The following RUNDC3B variants were observed in gnomAD, a reference collection of about 807,000 sequenced individuals.
RUNDC3B encodes the protein RUN domain containing 3B.
A neutral mutation model predicts 58.4 loss-of-function variants in RUNDC3B; 33 were observed. The ratio of observed to expected loss-of-function variants is 0.56; its 90% CI spans 0.43 to 0.75. RUNDC3B has a LOEUF of 0.75. Among genes scored for constraint, RUNDC3B ranks in the 30% least tolerant of loss-of-function variants. RUNDC3B has a pLI of 0.00. For missense variants in RUNDC3B, 501 were observed against 535.7 expected (o/e 0.94, Z 0.64); for synonymous variants, 193 against 195.2 (o/e 0.99, Z 0.10).
chr7:87,647,941 T>C (rs1823182490), intron 1 of RUNDC3B, among the ~76,000 whole-genome samples: 1 of 151,872 alleles, frequency 6.6e-6, no homozygotes, highest in Non-Finnish European at 1.5e-5. Flanking sequence ...TCCCAACACT[T>C]TGGGAGGCCA....
chr7:87,726,410 G>A (rs531808008), intron 4 of RUNDC3B, among the ~76,000 whole-genome samples: 73 of 152,198 alleles, frequency 4.8e-4, no homozygotes, highest in Non-Finnish European at 7.5e-4. Context: ...GTAGATATGC[G>A]GCATTATTTC....
At chr7:87,669,069 G>A (rs555124969) in intron 2 of RUNDC3B, among the ~76,000 whole-genome samples, 1 of 152,254 alleles carries the variant, frequency 6.6e-6, no homozygotes, top group East Asian at 1.9e-4. Flanking sequence ...AATACTGTCT[G>A]TGGAGTGTTG....
At chr7:87,723,485 T>C (rs1188606792) in intron 4 of RUNDC3B, among the ~76,000 whole-genome samples, 2 of 152,148 alleles carry the variant, frequency 1.3e-5, no homozygotes, top group African/African-American at 2.4e-5. Context: ...AGAACAGAAA[T>C]GTCCAATGCA....
intron 4 of RUNDC3B, among the ~76,000 whole-genome samples, chr7:87,727,290 G>A (rs944758264): frequency 6.6e-6 from 1 of 151,932 alleles, no homozygotes; most frequent in East Asian, 1.9e-4. Context: ...TGCAAGGCTG[G>A]TTCAACATAT....
At chr7:87,702,099 C>T (rs1269776822) in intron 3 of RUNDC3B, among the ~76,000 whole-genome samples, 1 of 131,470 alleles carries the variant, frequency 7.6e-6, no homozygotes, top group Admixed American at 8.5e-5. Flanking sequence ...GCAGAGATCG[C>T]GCCACTGCAC....
Position 87,628,625 on chromosome 7 carries a change from G to GTGTGTGTGTGTGT in RUNDC3B, c.-199_-198insTGTGTGTGTGTGT. The GTGTGTGTGTGTGT allele has an allele frequency of 3.4e-6, 1 of 291,762 alleles. No individual in the cohort carries two copies. Among genetic ancestry groups the GTGTGTGTGTGTGT allele is most frequent in the Non-Finnish European group, 6.1e-6 (1 of 164,758 alleles). The allele number at this position is 291,762 out of a possible 1,614,324, so 18.1% of individuals were successfully genotyped here. On this transcript the variant is annotated 5_prime_UTR_variant, in exon 1 of 11. Transcript: ENST00000394654. ...TGTGTGTGTGTGTGTGTGTGTGTGTGGAGCTCGGGTGCCAAGGGCGAGCCG... is the reference window on the plus strand; with the variant it reads ...TGTGTGTGTGTGTGTGTGTGTGTGTGTGTGTGTGTGTGTGAGCTCGGGTGCCAAGGGCGAGCCG...
chr7:87,680,382 G>A (rs948835741), intron 2 of RUNDC3B, among the ~76,000 whole-genome samples: 3 of 150,702 alleles, frequency 2.0e-5, no homozygotes, highest in Non-Finnish European at 2.9e-5. Flanking sequence ...ACTAAAACGC[G>A]TTGTATCAAA....
rs1345427814 is a variant in RUNDC3B, at chr7:87,750,706, G to A, written c.629+9127G>A. Among the ~76,000 whole-genome samples, 83 of 150,730 alleles carry A rather than the reference G, an allele frequency of 5.5e-4. 2 individuals are homozygous for A. The Middle Eastern group carries it at 0.021, about 38-fold the overall frequency. The stretch of plus-strand genomic sequence containing the variant: ...TGAGAAGTGTCTGTTCATGTCCTTC[G>A]CCCACTTTTTGATGGGGTTGTTTGT... On this transcript the variant is annotated intron_variant, in intron 6 of 10. Transcript: ENST00000394654.
At chr7:87,713,923 A>C (rs1830313215) in intron 4 of RUNDC3B, among the ~76,000 whole-genome samples, 1 of 152,206 alleles carries the variant, frequency 6.6e-6, no homozygotes. Flanking sequence ...TTATATCAGT[A>C]TTTAATTTAT....
intron 6 of RUNDC3B, among the ~76,000 whole-genome samples, chr7:87,741,861 A>G (rs1832344605): frequency 6.6e-6 from 1 of 152,208 alleles, no homozygotes; most frequent in Non-Finnish European, 1.5e-5. Context: ...AATAACTTTA[A>G]TAGATCTGAA....
chr7:87,711,274 C>T (rs573685882), intron 4 of RUNDC3B, among the ~76,000 whole-genome samples: 13 of 151,366 alleles, frequency 8.6e-5, no homozygotes, highest in South Asian at 2.1e-4. Context: ...TGTGGAGAGC[C>T]GAGATTGAGC....
intron 2 of RUNDC3B, among the ~76,000 whole-genome samples, chr7:87,692,329 C>G (rs148826652): frequency 2.6e-5 from 4 of 152,130 alleles, no homozygotes; most frequent in Non-Finnish European, 5.9e-5. Context: ...TGGTGGCACG[C>G]ACCTGTAGTC....
chr7:87,642,469 C>T (rs770561553), intron 1 of RUNDC3B, among the ~76,000 whole-genome samples: 35 of 151,940 alleles, frequency 2.3e-4, no homozygotes, highest in Admixed American at 1.3e-4. Context: ...ATATGTGATC[C>T]AAGTATATAA....
At chr7:87,716,986 A>G (rs1253446877) in intron 4 of RUNDC3B, among the ~76,000 whole-genome samples, 1 of 152,158 alleles carries the variant, frequency 6.6e-6, no homozygotes, top group African/African-American at 2.4e-5. Flanking sequence ...GTTTGTGGAA[A>G]CAGAGTCTCA....
intron 2 of RUNDC3B, among the ~76,000 whole-genome samples, chr7:87,657,590 C>T (rs574702753): frequency 6.6e-6 from 1 of 152,158 alleles, no homozygotes; most frequent in Non-Finnish European, 1.5e-5. Context: ...CCAACACCCC[C>T]CTTCCCACAA....
intron 6 of RUNDC3B, among the ~76,000 whole-genome samples, chr7:87,747,751 T>C (rs1832728932): frequency 6.6e-6 from 1 of 152,026 alleles, no homozygotes; most frequent in Non-Finnish European, 1.5e-5. Context: ...CTGCAGATTG[T>C]CAGGGAAGTG....
chr7:87,754,549 A>G (rs1262969586), intron 6 of RUNDC3B, among the ~76,000 whole-genome samples: 1 of 152,178 alleles, frequency 6.6e-6, no homozygotes, highest in East Asian at 1.9e-4. Context: ...GCAAGAACAA[A>G]TGCACCCCAA....
intron 4 of RUNDC3B, among the ~76,000 whole-genome samples, chr7:87,712,320 AAAATG>A (rs1400813739): frequency 1.3e-5 from 2 of 152,146 alleles, no homozygotes; most frequent in African/African-American, 4.8e-5. Flanking sequence ...TGAACTTTAT[AAAATG>A]AAACATTTAT....
chr7:87,783,177 GTA>G (rs1563206463), intron 8 of RUNDC3B, among the ~76,000 whole-genome samples: 2 of 151,768 alleles, frequency 1.3e-5, no homozygotes, highest in African/African-American at 2.4e-5. Flanking sequence ...ATGTGTTTGT[GTA>G]TGTGTGTGTG....
Sources: gnomAD v4.1 joint callset for allele counts (sites outside exome capture counted in the v4.1 genomes callset) on GRCh38, gnomAD v4.1.1 for gene constraint, MANE v1.5 for transcripts, NCBI Gene and HGNC (gene_info 2026-07-23, HGNC 2026-07-21) for gene names.